Variants in MIPOL1 observed in about 807,000 individuals in gnomAD.
MIPOL1 encodes mirror-image polydactyly 1.
A neutral mutation model predicts 60.9 loss-of-function variants in MIPOL1; 57 were observed. The observed-to-expected ratio is 0.94, with a 90% CI of 0.76 to 1.17. MIPOL1 has a LOEUF of 1.17. Ranked by LOEUF, MIPOL1 falls within the 50% of genes most tolerant of loss-of-function variation. The probability of loss-of-function intolerance (pLI) is 0.00; values close to 1 mark genes in which losing one functional copy is unlikely to be tolerated. For missense variants in MIPOL1, 551 were observed against 511.6 expected, an observed-to-expected ratio of 1.08 and a Z score of -0.74; for synonymous variants, 179 against 168.8, an observed-to-expected ratio of 1.06 and a Z score of -0.47.
At chr14:37,538,199 G>C (rs2095514709) in intron 12 of MIPOL1, among the ~76,000 whole-genome samples, 1 of 152,118 alleles carries the variant, frequency 6.6e-6, no homozygotes, top group East Asian at 1.9e-4. Context: ...ATAGCTAGTA[G>C]GTAAGGAAGA....
chr14:37,304,684 G>T (rs1352057412), intron 7 of MIPOL1, among the ~76,000 whole-genome samples: 2 of 151,820 alleles, frequency 1.3e-5, no homozygotes, highest in Non-Finnish European at 1.5e-5. Flanking sequence ...GAAAAGAAAA[G>T]GGTGATATTG....
chr14:37,428,893 GAT>G (rs1187202094), intron 11 of MIPOL1, among the ~76,000 whole-genome samples: 1 of 152,068 alleles, frequency 6.6e-6, no homozygotes, highest in African/African-American at 2.4e-5. Context: ...GGAGGATAGA[GAT>G]ATTAAACTTA....
At position 37,476,516 on chromosome 14, in the gene MIPOL1, G is replaced by A. The variant is rs117029252; in HGVS notation, c.1032-23392G>A. The stretch of plus-strand genomic sequence containing the variant: ...GGCACTTCTTACCTTTCTCTTGATC[G>A]TAGGGGTAAAGCATCTAATATCCTA... On this transcript the variant is annotated intron_variant, in intron 11 of 12. Transcript: ENST00000684589. 3.2e-3 allele frequency among the ~76,000 whole-genome samples: 484 copies of A among 152,192 alleles called. 2 individuals carry two copies. The highest frequency in any genetic ancestry group is 5.1e-3 in the Non-Finnish European group (348 of 68,014).
At chr14:37,446,040 A>C (rs1392505162) in intron 11 of MIPOL1, among the ~76,000 whole-genome samples, 1 of 152,170 alleles carries the variant, frequency 6.6e-6, no homozygotes, top group Admixed American at 6.5e-5. Context: ...AAAACACCAA[A>C]AGCAATGGCA....
At chr14:37,243,792 G>A (rs1461328854) in intron 1 of MIPOL1, among the ~76,000 whole-genome samples, 1 of 152,100 alleles carries the variant, frequency 6.6e-6, no homozygotes, top group Non-Finnish European at 1.5e-5. Flanking sequence ...TGTCAAAAAG[G>A]CATTATTTAA....
At chr14:37,456,690 G>A (rs1015232957) in intron 11 of MIPOL1, among the ~76,000 whole-genome samples, 5 of 151,956 alleles carry the variant, frequency 3.3e-5, no homozygotes, top group Admixed American at 2.0e-4. Flanking sequence ...AAGAGATCTC[G>A]TAGTTGTATT....
chr14:37,308,288 C>A, intron 8 of MIPOL1, 61 bp from the exon 9 acceptor site: 5 of 1,352,300 alleles, frequency 3.7e-6, no homozygotes, highest in Non-Finnish European at 5.0e-6. Context: ...TAATTAAAAC[C>A]CTATATTAAA....
chr14:37,384,644 A>G (rs2093017344), intron 10 of MIPOL1, among the ~76,000 whole-genome samples: 1 of 151,938 alleles, frequency 6.6e-6, no homozygotes, highest in Non-Finnish European at 1.5e-5. Context: ...AACCTCCAAG[A>G]TTAATTTGGG....
chr14:37,535,027 G>C (rs190656987), intron 12 of MIPOL1, among the ~76,000 whole-genome samples: 20 of 152,204 alleles, frequency 1.3e-4, no homozygotes, highest in African/African-American at 4.6e-4. Flanking sequence ...ATACTATAAA[G>C]AAGGAAATAT....
chr14:37,388,751 T>C (rs1056924527), intron 10 of MIPOL1, among the ~76,000 whole-genome samples: 2 of 152,062 alleles, frequency 1.3e-5, no homozygotes, highest in Non-Finnish European at 2.9e-5. Context: ...TAATACCTAC[T>C]CTTTTGTGTC....
intron 11 of MIPOL1, among the ~76,000 whole-genome samples, chr14:37,444,629 C>T (rs2094303554): frequency 6.6e-6 from 1 of 152,060 alleles, no homozygotes; most frequent in Admixed American, 6.6e-5. Context: ...TCTGTAAAGT[C>T]ACAGATATCA....
chr14:37,248,640 A>C (rs576868654), intron 3 of MIPOL1, among the ~76,000 whole-genome samples: 17 of 152,082 alleles, frequency 1.1e-4, no homozygotes, highest in South Asian at 1.0e-3. Flanking sequence ...ATCTATATAT[A>C]TATCTCTCTC....
chr14:37,360,305 G>A (rs1022021673), intron 9 of MIPOL1, among the ~76,000 whole-genome samples: 2 of 152,112 alleles, frequency 1.3e-5, no homozygotes, highest in Non-Finnish European at 2.9e-5. Context: ...TCTCTGCCAC[G>A]CTTTGGTATC....
At chr14:37,349,677 C>T (rs1394392043) in intron 9 of MIPOL1, among the ~76,000 whole-genome samples, 1 of 152,182 alleles carries the variant, frequency 6.6e-6, no homozygotes, top group African/African-American at 2.4e-5. Context: ...TTTCTTTACT[C>T]TGTTGGCACT....
At chr14:37,381,536 A>G (rs1362659337) in intron 10 of MIPOL1, among the ~76,000 whole-genome samples, 2 of 151,968 alleles carry the variant, frequency 1.3e-5, no homozygotes, top group South Asian at 4.2e-4. Context: ...AATCAAAAAA[A>G]TGTTTCCAAA....
chr14:37,232,928 A>G lies in MIPOL1; in HGVS notation c.-198-14175A>G, dbSNP rs887134709. Among the ~76,000 whole-genome samples the G allele has an allele frequency of 5.3e-5, 8 of 152,238 alleles. No homozygotes were observed. The East Asian group carries it at 1.5e-3, about 29-fold the overall frequency. ...TCCCAGATTATACAGTGATTAAACT[A>G]TTCAGTAGTCATCCTAAGTGAGTAT... is the stretch of plus-strand genomic sequence containing the variant. On this transcript the variant is annotated intron_variant, in intron 1 of 12. Coordinates refer to ENST00000684589, the MANE Select transcript of MIPOL1 (RefSeq NM_001388067.1).
intron 10 of MIPOL1, among the ~76,000 whole-genome samples, chr14:37,416,222 T>A (rs1221525350): frequency 6.6e-6 from 1 of 152,162 alleles, no homozygotes; most frequent in African/African-American, 2.4e-5. Flanking sequence ...AATATTAAAA[T>A]CAAGTCTTTA....
intron 11 of MIPOL1, among the ~76,000 whole-genome samples, chr14:37,440,908 AATTCACCAACATGTTATTTTC>A (rs1454442338): frequency 6.6e-6 from 1 of 152,108 alleles, no homozygotes; most frequent in Non-Finnish European, 1.5e-5. Context: ...TATGTCTGCC[AATTCACCAACATGTTATTTTC>A]TGACTTTCTA....
At chr14:37,304,411 A>G (rs1457672289) in intron 7 of MIPOL1, among the ~76,000 whole-genome samples, 1 of 151,806 alleles carries the variant, frequency 6.6e-6, no homozygotes, top group Non-Finnish European at 1.5e-5. Context: ...ACATACTCTT[A>G]TATACGTTTG....
Sources: allele counts gnomAD v4.1 joint callset (sites outside exome capture counted in the v4.1 genomes callset), GRCh38; gene constraint gnomAD v4.1.1; transcripts MANE v1.5; gene names NCBI Gene and HGNC (gene_info 2026-07-23, HGNC 2026-07-21).